The following CDH12 variants were observed in gnomAD, a reference collection of about 807,000 sequenced individuals.
CDH12 encodes cadherin-12.
Under a neutral mutation model 74.1 loss-of-function variants are expected in CDH12, and 41 were observed. The observed-to-expected ratio is 0.55, with a 90% CI of 0.43 to 0.72. CDH12 has a LOEUF of 0.72. Among genes scored for constraint, CDH12 ranks in the 30% least tolerant of loss-of-function variants. The pLI, the probability that CDH12 is intolerant of heterozygous loss-of-function variation, is 0.00. For missense variants in CDH12, 945 were observed against 977.2 expected, an observed-to-expected ratio of 0.97 and a Z score of 0.44; for synonymous variants, 399 against 355.0, an observed-to-expected ratio of 1.12 and a Z score of -1.39.
chr5:22,333,288 G>T (rs925809013), intron 3 of CDH12, among the ~76,000 whole-genome samples: 1 of 151,776 alleles, frequency 6.6e-6, no homozygotes, highest in Non-Finnish European at 1.5e-5. Context: ...ACACAACGAG[G>T]GTAACAACAC....
intron 6 of CDH12, among the ~76,000 whole-genome samples, chr5:21,900,306 A>G (rs1753325323): frequency 6.6e-6 from 1 of 152,188 alleles, no homozygotes; most frequent in African/African-American, 2.4e-5. Context: ...TACAAAGCAA[A>G]CACTATAAAC....
chr5:21,786,565 C>T (rs1033660707), intron 10 of CDH12, among the ~76,000 whole-genome samples: 8 of 152,028 alleles, frequency 5.3e-5, no homozygotes, highest in Non-Finnish European at 4.4e-5. Context: ...AGAGCTCAGA[C>T]GGAGATGTAT....
intron 4 of CDH12, among the ~76,000 whole-genome samples, chr5:22,087,395 T>C (rs1331135307): frequency 1.3e-5 from 2 of 151,964 alleles, no homozygotes; most frequent in African/African-American, 4.8e-5. Flanking sequence ...ATCCCAACAC[T>C]CTGTGGGGCC....
At chr5:22,531,214 T>C (rs958282440) in intron 1 of CDH12, among the ~76,000 whole-genome samples, 3 of 152,148 alleles carry the variant, frequency 2.0e-5, no homozygotes, top group African/African-American at 7.2e-5. Flanking sequence ...AATCACAATA[T>C]AACTTATACA....
At chr5:22,640,939 A>C (rs1739114758) in intron 1 of CDH12, among the ~76,000 whole-genome samples, 1 of 152,116 alleles carries the variant, frequency 6.6e-6, no homozygotes, top group Non-Finnish European at 1.5e-5. Context: ...AAGAGCCTCC[A>C]CTTGAAGTTG....
At chr5:21,969,011 A>G (rs901679515) in intron 6 of CDH12, among the ~76,000 whole-genome samples, 2 of 152,036 alleles carry the variant, frequency 1.3e-5, no homozygotes, top group Non-Finnish European at 2.9e-5. Flanking sequence ...AGCATTAGAA[A>G]AAATAACTAA....
intron 4 of CDH12, among the ~76,000 whole-genome samples, chr5:22,079,646 T>C (rs1203353914): frequency 6.6e-6 from 1 of 152,108 alleles, no homozygotes; most frequent in Non-Finnish European, 1.5e-5. Context: ...TTTATAGACG[T>C]TGTGTAGCTC....
intron 2 of CDH12, among the ~76,000 whole-genome samples, chr5:22,419,511 T>C (rs2968262): frequency 0.16 from 23,800 of 152,178 alleles, 1,931 homozygotes; most frequent in Middle Eastern, 0.23. Flanking sequence ...TAGTATTCCA[T>C]GGTGTATATG....
intron 3 of CDH12, among the ~76,000 whole-genome samples, chr5:22,350,167 A>G (rs1740300369): frequency 6.6e-6 from 1 of 152,228 alleles, no homozygotes; most frequent in South Asian, 2.1e-4. Flanking sequence ...CTATGATTCC[A>G]GACATTTGAT....
intron 3 of CDH12, among the ~76,000 whole-genome samples, chr5:22,240,317 G>A (rs7443303): frequency 0.99 from 151,349 of 152,274 alleles, 75,228 homozygotes; most frequent in Middle Eastern, 1. Context: ...ACATGAAAAA[G>A]ATAATGTAGT....
intron 2 of CDH12, among the ~76,000 whole-genome samples, chr5:22,409,278 T>C (rs3099026): frequency 0.99 from 150,036 of 152,026 alleles, 74,076 homozygotes; most frequent in East Asian, 1. Context: ...ATGGTTTCAC[T>C]TGTATTTTTA....
At chr5:22,418,713 G>A (rs889190314) in intron 2 of CDH12, among the ~76,000 whole-genome samples, 3 of 151,958 alleles carry the variant, frequency 2.0e-5, no homozygotes, top group East Asian at 1.9e-4. Context: ...GTGAAAACTC[G>A]TCTCTATTGA....
At chr5:22,257,376 C>T (rs1166201348) in intron 3 of CDH12, among the ~76,000 whole-genome samples, 4 of 151,462 alleles carry the variant, frequency 2.6e-5, no homozygotes, top group Non-Finnish European at 4.4e-5. Flanking sequence ...TCGAGAAAAG[C>T]TTATATAATA....
chr5:21,910,748 C>G (rs998463617), intron 6 of CDH12, among the ~76,000 whole-genome samples: 2 of 151,644 alleles, frequency 1.3e-5, no homozygotes, highest in African/African-American at 4.8e-5. Flanking sequence ...ACAGATTCCA[C>G]CACACCAAGA....
chr5:22,159,547 T>A (rs1197277724), intron 4 of CDH12, among the ~76,000 whole-genome samples: 2 of 152,206 alleles, frequency 1.3e-5, no homozygotes, highest in Non-Finnish European at 2.9e-5. Context: ...GCTCTCTGTT[T>A]GACTTAATCG....
intron 4 of CDH12, among the ~76,000 whole-genome samples, chr5:22,094,225 A>T (rs1303452072): frequency 6.6e-6 from 1 of 152,188 alleles, no homozygotes; most frequent in Non-Finnish European, 1.5e-5. Flanking sequence ...GAGGAGTCTG[A>T]AGCCATGCCT....
rs377247294 is a variant in CDH12 at position 22,105,344 on chromosome 5, C to T, written c.-186-26482G>A. Among the ~76,000 whole-genome samples the T allele has an allele frequency of 3.0e-3, 452 of 150,988 alleles. 1 individual carries two copies. The highest frequency in any genetic ancestry group is 9.4e-3 in the African/African-American group (387 of 41,342). ...TCCTGACCTCGTGATCCGCCCACCT[C>T]GGCCCCCCAAAGTCCTGGGATTACA... is the stretch of plus-strand genomic sequence containing the variant. On this transcript the variant is annotated intron_variant, in intron 4 of 14. Transcript: ENST00000382254.
chr5:22,171,966 TG>T (rs1488184569), intron 4 of CDH12, among the ~76,000 whole-genome samples: 1 of 151,944 alleles, frequency 6.6e-6, no homozygotes, highest in Non-Finnish European at 1.5e-5. Context: ...AAAGGTAACC[TG>T]AGTTCCTTGT....
chr5:21,984,842 A>T (rs1019614351), intron 5 of CDH12, among the ~76,000 whole-genome samples: 7 of 152,194 alleles, frequency 4.6e-5, no homozygotes, highest in African/African-American at 1.7e-4. Context: ...TATTTGCTTT[A>T]CTTTCATATA....
Sources: allele counts gnomAD v4.1 joint callset (sites outside exome capture counted in the v4.1 genomes callset), GRCh38; gene constraint gnomAD v4.1.1; transcripts MANE v1.5; gene names NCBI Gene and HGNC (gene_info 2026-07-23, HGNC 2026-07-21).